The following PUM2 variants were observed in gnomAD, a reference collection of about 807,000 sequenced individuals.
PUM2 encodes pumilio homolog 2.
PUM2 carries 57 observed loss-of-function variants against 124.5 expected under a neutral mutation model. The ratio of observed to expected loss-of-function variants is 0.46; its 90% CI spans 0.37 to 0.57. The LOEUF is 0.57. PUM2 is among the 20% of genes least tolerant of loss of function. The probability of loss-of-function intolerance (pLI) is 0.00; values close to 1 mark genes in which losing one functional copy is unlikely to be tolerated. For synonymous variants in PUM2, 460 were observed against 446.1 expected, an observed-to-expected ratio of 1.03 and a Z score of -0.39; for missense variants, 1,065 against 1,290.6, an observed-to-expected ratio of 0.83 and a Z score of 2.68.
At chr2:20,298,851 A>G (rs1473753059) in intron 7 of PUM2, among the ~76,000 whole-genome samples, 3 of 152,166 alleles carry the variant, frequency 2.0e-5, no homozygotes, top group Admixed American at 6.5e-5. Flanking sequence ...AATAATAACA[A>G]TAACAACAAT....
rs766962424 is a variant in PUM2 at position 20,255,206 on chromosome 2, G to C, written c.2748+10C>G. 1.1e-5 allele frequency: 17 copies of C among 1,575,574 alleles called. No individual in the cohort carries two copies. The highest frequency in any genetic ancestry group is 1.5e-5 in the Non-Finnish European group (17 of 1,157,098). On this transcript the variant is annotated intron_variant, in intron 18 of 20. Transcript: ENST00000361078. ...TATATAAACATTTCAAATTATTAGGGAATTTATACCTGTACCAACTGCTCT... is the reference window on the plus strand; with the variant it reads ...TATATAAACATTTCAAATTATTAGGCAATTTATACCTGTACCAACTGCTCT...
chr2:20,308,278 T>C, intron 6 of PUM2, 36 bp downstream of exon 6: 1 of 1,602,558 alleles, frequency 6.2e-7, no homozygotes, highest in South Asian at 1.1e-5. Context: ...AGTATACAGT[T>C]AAGAGGACCT....
chr2:20,290,673 C>T lies in PUM2; in HGVS notation c.1270G>A (p.Gly424Ser), dbSNP rs1358313508. Reference protein sequence around the residue: ...AANPTLAFGQGLATGMPGYQV... With the variant: ...AANPTLAFGQSLATGMPGYQV... ...ATACCTGGCATGCCAGTAGCAAGACCCTGACCAAAAGCCAATGTTGGATTT... is the reference window on the plus strand; with the variant it reads ...ATACCTGGCATGCCAGTAGCAAGACTCTGACCAAAAGCCAATGTTGGATTT... Residue 424 changes from glycine to serine, a missense_variant, in exon 10 of 21, where the codon GGT (glycine) becomes AGT (serine). Coordinates refer to ENST00000361078, the MANE Select transcript of PUM2 (RefSeq NM_015317.5). The T allele has an allele frequency of 6.2e-7, 1 of 1,611,882 alleles. No homozygotes were observed. Among genetic ancestry groups the T allele is most frequent in the Non-Finnish European group, 8.5e-7 (1 of 1,179,434 alleles).
intron 10 of PUM2, among the ~76,000 whole-genome samples, chr2:20,288,417 C>A (rs1463286945): frequency 6.6e-6 from 1 of 152,110 alleles, no homozygotes; most frequent in Admixed American, 6.5e-5. Context: ...AGAGATACTG[C>A]AAAGGAATTA....
intron 2 of PUM2, among the ~76,000 whole-genome samples, chr2:20,325,746 C>G (rs539654415): frequency 1.3e-5 from 2 of 152,134 alleles, no homozygotes; most frequent in South Asian, 4.1e-4. Flanking sequence ...CTCAGCCTCC[C>G]GAGTAGCTGG....
chr2:20,255,208 A>T lies in PUM2; in HGVS notation c.2748+8T>A, dbSNP rs964143358. The T allele has an allele frequency of 1.9e-5, 30 of 1,586,306 alleles. No homozygotes were observed. Among genetic ancestry groups the T allele is most frequent in the Non-Finnish European group, 2.5e-5 (29 of 1,160,794 alleles). ...TATAAACATTTCAAATTATTAGGGA[A>T]TTTATACCTGTACCAACTGCTCTGT... is the stretch of plus-strand genomic sequence containing the variant. On this transcript the variant is annotated splice_region_variant and intron_variant, in intron 18 of 20. Transcript: ENST00000361078.
chr2:20,264,127 AG>A (rs1482889654), intron 13 of PUM2, among the ~76,000 whole-genome samples: 1 of 151,370 alleles, frequency 6.6e-6, no homozygotes, highest in African/African-American at 2.4e-5. Context: ...TCACGAGGTC[AG>A]GAGTTTGAGA....
chr2:20,260,657 TAG>T (rs1429756241), intron 14 of PUM2, among the ~76,000 whole-genome samples, 191 bp from the exon 15 acceptor site: 2 of 152,192 alleles, frequency 1.3e-5, no homozygotes, highest in Non-Finnish European at 2.9e-5. Flanking sequence ...TATCTAAAGA[TAG>T]AGTGACAAAA....
At chr2:20,300,824 A>G (rs1350070677) in intron 7 of PUM2, among the ~76,000 whole-genome samples, 1 of 151,908 alleles carries the variant, frequency 6.6e-6, no homozygotes, top group Admixed American at 6.6e-5. Context: ...TCTGCCTCAC[A>G]GTTTGCCCTC....
chr2:20,345,557 G>A (rs904276838), intron 1 of PUM2, among the ~76,000 whole-genome samples: 1 of 152,048 alleles, frequency 6.6e-6, no homozygotes, highest in Non-Finnish European at 1.5e-5. Context: ...AGTGTGGCAC[G>A]ATACATCTGC....
In PUM2 at chr2:20,327,341, G is replaced by T; in HGVS notation, c.20C>A (p.Ala7Asp). The T allele has an allele frequency of 6.3e-7, 1 of 1,583,096 alleles. No individual in the cohort carries two copies. Among genetic ancestry groups the T allele is most frequent in the Non-Finnish European group, 8.7e-7 (1 of 1,153,668 alleles). The stretch of plus-strand genomic sequence containing the variant: ...CATTCCCCGAGATTCTAATGCAAGA[G>T]CTTGAAAATCATGATTCATTTCATC... MNHDFQ[A>D]LALESRGMGE... The change falls in exon 2 of 21, where the codon GCT (alanine) becomes GAT (aspartate). Residue 7 changes from alanine (A) to aspartate (D), a missense_variant. Ala to Asp is a moderately radical substitution (Grantham distance 126, BLOSUM62 -2). Coordinates refer to ENST00000361078, the MANE Select transcript of PUM2 (RefSeq NM_015317.5).
intron 2 of PUM2, among the ~76,000 whole-genome samples, chr2:20,322,057 T>G (rs1289927719): frequency 1.3e-5 from 2 of 152,190 alleles, no homozygotes; most frequent in Non-Finnish European, 2.9e-5. Context: ...TAAATTGTTA[T>G]GGAAAACCCC....
intron 13 of PUM2, among the ~76,000 whole-genome samples, chr2:20,267,235 A>G (rs1488321858): frequency 1.3e-5 from 2 of 151,932 alleles, no homozygotes; most frequent in Admixed American, 6.6e-5. Context: ...CATGTTGGCT[A>G]GGCTGGTCTC....
At position 20,278,812 on chromosome 2, in the gene PUM2, AC is replaced by A; in HGVS notation, c.1727del (p.Ser576IlefsTer27). 1 of 1,611,298 alleles carries A rather than the reference AC, an allele frequency of 6.2e-7. No homozygotes were observed. The highest frequency in any genetic ancestry group is 8.5e-7 in the Non-Finnish European group (1 of 1,178,014). ...ALSGFGSSVG[S>X]SASSSATRRE... ...TCCTTGTGGCACTACTACTTGCAGA[AC>A]TGCCAACTGAAGAAGAAATAAAAAA... On this transcript the variant is annotated frameshift_variant, in exon 13 of 21. Coordinates refer to ENST00000361078, the MANE Select transcript of PUM2 (RefSeq NM_015317.5). LOFTEE classifies it high-confidence loss of function.
At chr2:20,340,001 A>C (rs529206197) in intron 1 of PUM2, among the ~76,000 whole-genome samples, 2 of 151,950 alleles carry the variant, frequency 1.3e-5, no homozygotes, top group Non-Finnish European at 2.9e-5. Flanking sequence ...AAAAAAAAAA[A>C]CGGCCAACTA....
At chr2:20,258,466 G>C in intron 15 of PUM2, 95 bp from the exon 16 acceptor site, 1 of 1,285,666 alleles carries the variant, frequency 7.8e-7, no homozygotes. Flanking sequence ...CATTCTATCA[G>C]TAACTATGTA....
chr2:20,303,240 A>G (rs1235971772), intron 7 of PUM2, among the ~76,000 whole-genome samples: 1 of 143,604 alleles, frequency 7.0e-6, no homozygotes, highest in Non-Finnish European at 1.6e-5. Flanking sequence ...TTCTGCTCGG[A>G]AACAATATGG....
chr2:20,251,551 G>A lies in PUM2; in HGVS notation c.*34C>T. 6.3e-7 allele frequency: 1 copy of A among 1,577,666 alleles called. No homozygotes were observed. Among genetic ancestry groups the A allele is most frequent in the Non-Finnish European group, 8.6e-7 (1 of 1,159,740 alleles). On this transcript the variant is annotated 3_prime_UTR_variant, in exon 21 of 21. Transcript: ENST00000361078. ...ACACACAAAAAAATTCTTTTCACAT[G>A]GTTAAATTATCTTCTTTCTCTTGCT...
At chr2:20,351,186 C>T (rs184608272), upstream of PUM2, among the ~76,000 whole-genome samples, 1 of 152,174 alleles carries the variant, frequency 6.6e-6, no homozygotes, top group African/African-American at 2.4e-5. Context: ...GGCTTCCTAC[C>T]CGGTTGCTCA....
Sources: gnomAD v4.1 joint callset for allele counts (sites outside exome capture counted in the v4.1 genomes callset) on GRCh38, gnomAD v4.1.1 for gene constraint, MANE v1.5 for transcripts, NCBI Gene and HGNC (gene_info 2026-07-23, HGNC 2026-07-21) for gene names.